Variants in PDK3 observed in about 807,000 individuals in gnomAD.
The protein encoded by PDK3 is pyruvate dehydrogenase kinase, isozyme 3.
In PDK3, 12 loss-of-function variants were observed where a neutral mutation model predicts 32.0. That is an observed-to-expected ratio of 0.37 (90% confidence interval 0.24 to 0.61). The LOEUF (loss-of-function observed/expected upper bound fraction) is 0.61, where lower values mean the gene tolerates loss of function less well. Among genes scored for constraint, PDK3 ranks in the 20% least tolerant of loss-of-function variants. PDK3 has a pLI of 0.65. For synonymous variants in PDK3, 122 were observed against 116.3 expected (o/e 1.05, Z -0.31); for missense variants, 188 against 316.9 (o/e 0.59, Z 3.09).
intron 5 of PDK3, 43 bp from the exon 6 acceptor site, chrX:24,518,890 T>A: frequency 1.2e-6 from 1 of 849,521 alleles, no homozygotes; most frequent in Non-Finnish European, 1.7e-6. Flanking sequence ...CGCTTGTGCC[T>A]ATGTTATTAG....
In PDK3 at chrX:24,506,873, C is replaced by T. The variant is rs774112711; in HGVS notation, c.595+1575C>T. On this transcript the variant is annotated intron_variant, in intron 5 of 10. Coordinates refer to ENST00000379162, the MANE Select transcript of PDK3 (RefSeq NM_005391.5). ...TCGCCCAGGCTGGAGTGCAGTGGTA[C>T]GATCTCAGCTCACCGCAAGCTCTGT... Among the ~76,000 whole-genome samples, 5 of 86,115 alleles carry T rather than the reference C, an allele frequency of 5.8e-5. No individual in the cohort carries two copies. The South Asian group carries it at 2.2e-3, about 38-fold the overall frequency. The allele number at this position is 86,115 out of a possible 115,157, so 74.8% of individuals were successfully genotyped here. A position where few individuals can be genotyped will look rare whatever the true frequency, so the allele number is the denominator to read the frequency against.
chrX:24,490,251 T>C (rs189849154), intron 1 of PDK3, among the ~76,000 whole-genome samples: 110 of 111,988 alleles, frequency 9.8e-4, no homozygotes, highest in African/African-American at 3.5e-3. Context: ...TAGCTAGGAT[T>C]ACGGGCGTGA....
intron 1 of PDK3, among the ~76,000 whole-genome samples, chrX:24,489,487 C>T (rs922136592): frequency 9.1e-6 from 1 of 110,095 alleles, no homozygotes; most frequent in Non-Finnish European, 1.9e-5. Context: ...GAGTTGGAGA[C>T]CAGCTAGTCC....
At chrX:24,482,583 G>A (rs1423169812) in intron 1 of PDK3, among the ~76,000 whole-genome samples, 1 of 111,872 alleles carries the variant, frequency 8.9e-6, no homozygotes, top group Non-Finnish European at 1.9e-5. Context: ...GTCTCTATTA[G>A]CAATGCTGAG....
chrX:24,543,081 T>C (rs746591466), exon 12 of PDK3, among the ~76,000 whole-genome samples: 2 of 112,383 alleles, frequency 1.8e-5, no homozygotes, highest in East Asian at 5.6e-4. Flanking sequence ...TTGAATTCTT[T>C]GTTTATCCTT....
chrX:24,499,952 G>A (rs1921811667), intron 3 of PDK3, among the ~76,000 whole-genome samples: 1 of 112,126 alleles, frequency 8.9e-6, no homozygotes, highest in South Asian at 3.6e-4. Context: ...CGTTTTCCTT[G>A]ATATAAGCCA....
intron 4 of PDK3, among the ~76,000 whole-genome samples, chrX:24,504,937 G>A (rs1453177739): frequency 9.0e-6 from 1 of 111,689 alleles, no homozygotes; most frequent in Non-Finnish European, 1.9e-5. Context: ...ATTGGGAGAG[G>A]AAGAACGGAT....
At chrX:24,549,908 T>C (rs1256679668) in exon 12 of PDK3, 1 of 112,321 alleles carries the variant, frequency 8.9e-6, no homozygotes, top group African/African-American at 3.2e-5. Context: ...GAATAAAATA[T>C]ACCATTGTGA....
exon 12 of PDK3, chrX:24,546,671 T>C (rs1280218981): frequency 8.9e-6 from 1 of 111,921 alleles, no homozygotes; most frequent in Non-Finnish European, 1.9e-5. Context: ...TGGCTCCTCA[T>C]GACAGTTCCT....
intron 1 of PDK3, among the ~76,000 whole-genome samples, chrX:24,494,483 G>T (rs1174976705): frequency 8.9e-6 from 1 of 111,737 alleles, no homozygotes; most frequent in Non-Finnish European, 1.9e-5. Context: ...TTGTATTGCC[G>T]CTGGTAACAC....
chrX:24,550,240 A>G (rs1923073290), exon 12 of PDK3: 1 of 111,790 alleles, frequency 8.9e-6, no homozygotes, highest in Admixed American at 9.5e-5. Flanking sequence ...TGCCGTCATG[A>G]TGAAGGATGA....
chrX:24,481,512 G>T (rs1921260596), intron 1 of PDK3, among the ~76,000 whole-genome samples: 1 of 112,096 alleles, frequency 8.9e-6, no homozygotes, highest in African/African-American at 3.2e-5. Context: ...AGAGACTGAT[G>T]TGGTTTGGCT....
chrX:24,492,754 C>T (rs1025187575), intron 1 of PDK3, among the ~76,000 whole-genome samples: 6 of 111,364 alleles, frequency 5.4e-5, no homozygotes, highest in African/African-American at 2.0e-4. Flanking sequence ...GTAATCCCAG[C>T]ACTTTGGGAG....
chrX:24,490,035 T>C (rs1921512709), intron 1 of PDK3, among the ~76,000 whole-genome samples: 1 of 112,342 alleles, frequency 8.9e-6, no homozygotes, highest in Non-Finnish European at 1.9e-5. Context: ...GTGTATCCCA[T>C]GGCCTCAGAC....
At chrX:24,515,283 A>T (rs1922225857) in intron 5 of PDK3, among the ~76,000 whole-genome samples, 1 of 112,107 alleles carries the variant, frequency 8.9e-6, no homozygotes, top group Admixed American at 9.5e-5. Context: ...GATGCTTTAA[A>T]AATTCTTATT....
chrX:24,503,903 C>A (rs1368864588), intron 4 of PDK3, among the ~76,000 whole-genome samples: 12 of 112,119 alleles, frequency 1.1e-4, no homozygotes, highest in Non-Finnish European at 2.3e-4. Flanking sequence ...AAAACATTGA[C>A]ACTGGAAATA....
intron 6 of PDK3, among the ~76,000 whole-genome samples, chrX:24,524,182 T>C (rs974178045): frequency 3.6e-5 from 4 of 112,409 alleles, no homozygotes; most frequent in African/African-American, 1.3e-4. Context: ...ATGTATAATA[T>C]GCATCTAAGA....
chrX:24,532,602 T>C (rs1363049425), intron 10 of PDK3, among the ~76,000 whole-genome samples: 2 of 111,674 alleles, frequency 1.8e-5, no homozygotes, highest in Non-Finnish European at 3.8e-5. Flanking sequence ...TAATAAAAAT[T>C]TAAAAGCTAC....
At chrX:24,482,588 G>A (rs1921292069) in intron 1 of PDK3, among the ~76,000 whole-genome samples, 1 of 111,992 alleles carries the variant, frequency 8.9e-6, no homozygotes, top group African/African-American at 3.2e-5. Flanking sequence ...TATTAGCAAT[G>A]CTGAGGTTTT....
Sources: gnomAD v4.1 joint callset for allele counts (sites outside exome capture counted in the v4.1 genomes callset) on GRCh38, gnomAD v4.1.1 for gene constraint, MANE v1.5 for transcripts, NCBI Gene and HGNC (gene_info 2026-07-23, HGNC 2026-07-21) for gene names.